SH2D4B: variants seen among roughly 807,000 people sequenced by gnomAD.
SH2D4B encodes the protein SH2 domain-containing protein 4B.
A neutral mutation model predicts 61.5 loss-of-function variants in SH2D4B; 45 were observed. The observed-to-expected ratio is 0.73, with a 90% CI of 0.58 to 0.94. SH2D4B has a LOEUF of 0.94. Ranked by LOEUF, SH2D4B falls within the 40% of genes least tolerant of loss-of-function variation. The pLI is 0.00. For missense variants in SH2D4B, 572 were observed against 574.2 expected (o/e 1.00, Z 0.04); for synonymous variants, 224 against 220.4 (o/e 1.02, Z -0.14).
intron 6 of SH2D4B, among the ~76,000 whole-genome samples, chr10:80,626,239 T>C (rs1842766094): frequency 6.6e-6 from 1 of 152,220 alleles, no homozygotes; most frequent in South Asian, 2.1e-4. Flanking sequence ...ATTTTTTATT[T>C]TATTCTTTTC....
intron 3 of SH2D4B, among the ~76,000 whole-genome samples, chr10:80,578,056 C>T (rs768322988): frequency 5.9e-5 from 9 of 151,960 alleles, no homozygotes; most frequent in Non-Finnish European, 1.3e-4. Context: ...CTGCAACCTC[C>T]GTCTCTTGGA....
At chr10:80,624,790 T>C (rs1490899852) in intron 6 of SH2D4B, among the ~76,000 whole-genome samples, 1 of 152,204 alleles carries the variant, frequency 6.6e-6, no homozygotes, top group African/African-American at 2.4e-5. Flanking sequence ...TAACCTGCAC[T>C]GCCTCCAAAG....
intron 1 of SH2D4B, among the ~76,000 whole-genome samples, chr10:80,547,621 G>C (rs1473388699): frequency 6.6e-6 from 1 of 152,138 alleles, no homozygotes; most frequent in Non-Finnish European, 1.5e-5. Context: ...GTGTCTCTTC[G>C]TGATGTTTAT....
chr10:80,586,560 C>T (rs976925159), intron 3 of SH2D4B, among the ~76,000 whole-genome samples: 2 of 152,066 alleles, frequency 1.3e-5, no homozygotes, highest in Non-Finnish European at 2.9e-5. Context: ...CTGGTGGGGA[C>T]GTGGAGAACC....
In SH2D4B at chr10:80,571,418, G is replaced by GCT; in HGVS notation, c.348-8_348-7dup. 2 of 1,613,290 alleles carry GCT rather than the reference G, an allele frequency of 1.2e-6. No individual in the cohort carries two copies. The highest frequency in any genetic ancestry group is 1.7e-6 in the Non-Finnish European group (2 of 1,179,576). ...TTTCACACAAGCTTATACCTGTGGT[G>GCT]CTCTCTTGGTAGGAGACAGAAGGAG... On this transcript the variant is annotated splice_polypyrimidine_tract_variant and intron_variant, in intron 2 of 7. Coordinates refer to ENST00000646907, the MANE Select transcript of SH2D4B (RefSeq NM_001388272.1).
At chr10:80,550,219 G>A (rs1485985204) in intron 1 of SH2D4B, among the ~76,000 whole-genome samples, 1 of 152,112 alleles carries the variant, frequency 6.6e-6, no homozygotes, top group African/African-American at 2.4e-5. Context: ...GCCCTTTAAG[G>A]GCCTCAGCTT....
intron 6 of SH2D4B, among the ~76,000 whole-genome samples, chr10:80,616,617 G>A (rs902616111): frequency 6.6e-6 from 1 of 152,124 alleles, no homozygotes; most frequent in Non-Finnish European, 1.5e-5. Flanking sequence ...TCTGGTGCAC[G>A]AAGGTACCTT....
intron 7 of SH2D4B, among the ~76,000 whole-genome samples, chr10:80,640,912 C>T (rs1211429843): frequency 6.6e-6 from 1 of 152,196 alleles, no homozygotes; most frequent in African/African-American, 2.4e-5. Context: ...TCTGGTTTCT[C>T]CCCATCTTTG....
rs1238824090 is a variant in SH2D4B at position 80,538,509 on chromosome 10, A to G, written c.178A>G (p.Lys60Glu). 5 of 1,393,938 alleles carry G rather than the reference A, an allele frequency of 3.6e-6. No homozygotes were observed. Among genetic ancestry groups the G allele is most frequent in the Non-Finnish European group, 4.7e-6 (5 of 1,068,586 alleles). The allele number at this position is 1,393,938 out of a possible 1,614,324, so 86.3% of individuals were successfully genotyped here. Residue 60 changes from lysine to glutamate, a missense_variant, in exon 1 of 8, where the codon AAG becomes GAG. Physicochemically the swap from Lys to Glu is moderately conservative, Grantham distance 56. Transcript: ENST00000646907. The surrounding 1 kb of genome is among the most constrained non-coding windows in gnomAD (Gnocchi z 4.8). ...CGAGGGTCTCAGGCCTCCAAAGACC[A>G]AGCGAGGTACGTGGCTGGGAGTCAC... ...QDEGLRPPKT[K>E]RAASDKHIQW...
chr10:80,606,248 A>T (rs891355154), intron 5 of SH2D4B, among the ~76,000 whole-genome samples: 1 of 149,414 alleles, frequency 6.7e-6, no homozygotes, highest in Non-Finnish European at 1.5e-5. Flanking sequence ...CGTGGAATAC[A>T]CATCTAGTAT....
chr10:80,562,894 C>CTTT lies in SH2D4B; in HGVS notation c.185-7237_185-7235dup, dbSNP rs34539206. Among the ~76,000 whole-genome samples, 211 of 74,690 alleles carry CTTT rather than the reference C, an allele frequency of 2.8e-3. 1 individual carries two copies. The highest frequency in any genetic ancestry group is 3.1e-3 in the African/African-American group (60 of 19,574). The allele number at this position is 74,690 out of a possible 152,430, so 49.0% of individuals were successfully genotyped here. ...TGACCTATGATGCTGAACATTTTTT[C>CTTT]TTTTTTTTTTTTTTTTTTTTTTTTT... On this transcript the variant is annotated intron_variant, in intron 1 of 7. Coordinates refer to ENST00000646907, the MANE Select transcript of SH2D4B (RefSeq NM_001388272.1).
At chr10:80,572,978 A>T (rs1442555913) in intron 3 of SH2D4B, among the ~76,000 whole-genome samples, 93 of 8,086 alleles carry the variant, frequency 0.012, 6 homozygotes, top group African/African-American at 0.055. Flanking sequence ...ATATATATAT[A>T]TATATATATT....
In SH2D4B at chr10:80,582,209, C is replaced by T. The variant is rs146639636; in HGVS notation, c.496-6421C>T. Reference sequence around the variant, plus strand: ...AGAAGAGGGAAAGTTGAAAGGGAAACGCTGGGGTGTTGGGGTATCAGGCAG... The same window carrying T: ...AGAAGAGGGAAAGTTGAAAGGGAAATGCTGGGGTGTTGGGGTATCAGGCAG... On this transcript the variant is annotated intron_variant, in intron 3 of 7. Coordinates refer to ENST00000646907, the MANE Select transcript of SH2D4B (RefSeq NM_001388272.1). Among the ~76,000 whole-genome samples the T allele has an allele frequency of 8.2e-4, 125 of 152,196 alleles. No homozygotes were observed. In the East Asian group the frequency reaches 0.018, roughly 22 times the overall value.
chr10:80,604,534 C>G (rs895367834), intron 5 of SH2D4B, among the ~76,000 whole-genome samples: 1 of 152,134 alleles, frequency 6.6e-6, no homozygotes, highest in Non-Finnish European at 1.5e-5. Flanking sequence ...CTCCTTTAAC[C>G]TCAGGTAATC....
chr10:80,554,634 T>C (rs1841803936), intron 1 of SH2D4B, among the ~76,000 whole-genome samples: 1 of 152,154 alleles, frequency 6.6e-6, no homozygotes, highest in African/African-American at 2.4e-5. Context: ...CTCTTAAGGC[T>C]TTTAACTGCT....
At chr10:80,560,081 AG>A (rs1841884772) in intron 1 of SH2D4B, among the ~76,000 whole-genome samples, 1 of 133,156 alleles carries the variant, frequency 7.5e-6, no homozygotes, top group Non-Finnish European at 1.5e-5. Context: ...TCCGCCTCCC[AG>A]GTTCACGCTA....
chr10:80,636,503 G>A (rs59402334), intron 7 of SH2D4B, among the ~76,000 whole-genome samples: 5,807 of 152,296 alleles, frequency 0.038, 288 homozygotes, highest in African/African-American at 0.12. Flanking sequence ...ACTGGCATGA[G>A]ATGGTATCTC....
chr10:80,579,664 A>AT (rs975238947), intron 3 of SH2D4B, among the ~76,000 whole-genome samples: 1 of 150,082 alleles, frequency 6.7e-6, no homozygotes, highest in Admixed American at 6.6e-5. Context: ...TTGTTTATTA[A>AT]TTTTTTTTCC....
chr10:80,562,888 TTTTTTC>T (rs1264000900), intron 1 of SH2D4B, among the ~76,000 whole-genome samples: 21 of 141,022 alleles, frequency 1.5e-4, no homozygotes, highest in Admixed American at 5.8e-4. Context: ...ATGCTGAACA[TTTTTTC>T]TTTTTTTTTT....
Sources: allele counts gnomAD v4.1 joint callset (sites outside exome capture counted in the v4.1 genomes callset), GRCh38; gene constraint gnomAD v4.1.1; non-coding constraint Gnocchi (gnomAD v3.1); transcripts MANE v1.5; gene names NCBI Gene and HGNC (gene_info 2026-07-23, HGNC 2026-07-21).